Variants in ABCC3 observed in about 807,000 individuals in gnomAD.
ABCC3 encodes the protein ATP binding cassette subfamily C member 3.
ABCC3 carries 121 observed loss-of-function variants against 165.3 expected under a neutral mutation model. The observed-to-expected ratio is 0.73, with a 90% confidence interval of 0.63 to 0.85. ABCC3 has a LOEUF of 0.85. ABCC3 is among the 40% of genes least tolerant of loss of function. ABCC3 has a pLI of 0.00. For missense variants in ABCC3, 1,869 were observed against 1,964.1 expected (o/e 0.95, Z 0.92); for synonymous variants, 733 against 810.1 (o/e 0.90, Z 1.62).
chr17:50,658,953 C>T (rs1045905659), intron 6 of ABCC3, among the ~76,000 whole-genome samples: 23 of 152,280 alleles, frequency 1.5e-4, no homozygotes, highest in African/African-American at 5.5e-4. Context: ...TCACCCAGGG[C>T]CCCAGGCAGC....
intron 19 of ABCC3, among the ~76,000 whole-genome samples, chr17:50,673,909 T>TTTCC: frequency 8.7e-5 from 1 of 11,544 alleles, no homozygotes; most frequent in Non-Finnish European, 1.6e-4. Context: ...GTTTTCTTTC[T>TTTCC]TTCTTTCTTT....
chr17:50,673,259 G>A, intron 18 of ABCC3, 121 bp downstream of exon 18: 1 of 1,356,226 alleles, frequency 7.4e-7, no homozygotes, highest in Non-Finnish European at 1.0e-6. Context: ...AAGTGGGCAT[G>A]TGGGTTGGGC....
rs1444248548 is a variant in ABCC3, at chr17:50,676,514, G to T, written c.3304G>T (p.Val1102Leu). Residue 1102 changes from valine (V) to leucine (L), a missense_variant, in exon 23 of 31, where the codon GTG becomes TTG. Transcript: ENST00000285238. ...NSFFNAISTLVVIMASTPLFT... is the reference protein window; with the variant it reads ...NSFFNAISTLLVIMASTPLFT... ...CTTCTTCAACGCCATCTCCACTCTT[G>T]TGGTCATCATGGCCAGCACGCCGCT... The T allele has an allele frequency of 8.1e-6, 13 of 1,613,394 alleles. No individual in the cohort carries two copies. In the Admixed American group the frequency reaches 2.0e-4, roughly 25 times the overall value.
At chr17:50,660,835 C>G (rs938553231) in intron 7 of ABCC3, 88 bp from the exon 8 acceptor site, 7 of 1,252,674 alleles carry the variant, frequency 5.6e-6, no homozygotes, top group Non-Finnish European at 7.8e-6. Context: ...CTTCCTCCTC[C>G]TCACTCCTAG....
chr17:50,679,692 T>C, intron 25 of ABCC3, 106 bp from the exon 26 acceptor site: 3 of 1,095,168 alleles, frequency 2.7e-6, no homozygotes, highest in East Asian at 2.4e-5. Context: ...ATCCATGGGC[T>C]AGGATCCCAT....
intron 1 of ABCC3, among the ~76,000 whole-genome samples, chr17:50,646,266 G>A (rs1272289134): frequency 2.0e-5 from 3 of 152,174 alleles, no homozygotes; most frequent in African/African-American, 7.2e-5. Flanking sequence ...AAGGCCCTGA[G>A]ACAGGAGCAG....
intron 29 of ABCC3, among the ~76,000 whole-genome samples, chr17:50,685,125 G>C (rs1968001726): frequency 6.6e-6 from 1 of 152,208 alleles, no homozygotes; most frequent in Non-Finnish European, 1.5e-5. Context: ...AGATGGTAAA[G>C]GGCTTGACCT....
At chr17:50,635,018 C>A (rs1482971513) in intron 1 of ABCC3, 37 bp downstream of exon 1, 1 of 1,256,612 alleles carries the variant, frequency 8.0e-7, no homozygotes, top group Non-Finnish European at 1.0e-6. Flanking sequence ...GCGCGGGGGC[C>A]AGGGTCGGCC....
In ABCC3 at chr17:50,658,069, C is replaced by G. The variant is rs1429800767; in HGVS notation, c.487-13C>G. The G allele has an allele frequency of 6.2e-7, 1 of 1,614,108 alleles. No individual in the cohort carries two copies. Among genetic ancestry groups the G allele is most frequent in the South Asian group, 1.1e-5 (1 of 91,088 alleles). ...TTCCAGTGCTTCTGACGCCCCTCCACTCTCCCACCCAGGGTGAGATCTCAG... is the reference window on the plus strand; with the variant it reads ...TTCCAGTGCTTCTGACGCCCCTCCAGTCTCCCACCCAGGGTGAGATCTCAG... On this transcript the variant is annotated splice_polypyrimidine_tract_variant and intron_variant, in intron 4 of 30. Coordinates refer to ENST00000285238, the MANE Select transcript of ABCC3 (RefSeq NM_003786.4).
intron 1 of ABCC3, chr17:50,635,837 C>T: frequency 3.9e-6 from 2 of 513,624 alleles, no homozygotes; most frequent in South Asian, 5.0e-5. Context: ...GAGCTATGAT[C>T]GCACCACTGC....
chr17:50,670,621 C>T (rs1967627758), intron 17 of ABCC3, among the ~76,000 whole-genome samples: 2 of 152,082 alleles, frequency 1.3e-5, no homozygotes, highest in South Asian at 2.1e-4. Context: ...GATAAATGCT[C>T]AGTGGAAAAA....
intron 18 of ABCC3, 128 bp downstream of exon 18, chr17:50,673,266 G>T (rs1967687396): frequency 7.6e-7 from 1 of 1,322,772 alleles, no homozygotes; most frequent in Non-Finnish European, 1.0e-6. Flanking sequence ...CATGTGGGTT[G>T]GGCATCAGGA....
rs750981656 is a variant in ABCC3 at position 50,675,690 on chromosome 17, A to C, written c.2774A>C (p.His925Pro). ...EGQGRPVPRRHLGPSEKVQVT... is the reference protein window; with the variant it reads ...EGQGRPVPRRPLGPSEKVQVT... The stretch of plus-strand genomic sequence containing the variant: ...CAGGGTCGGCCTGTACCCCGGAGGC[A>C]CCTGGGTCCATCAGAGAAGGTGCAG... Residue 925 changes from histidine (H) to proline (P), a missense_variant, in exon 21 of 31, where the codon CAC becomes CCC. Coordinates refer to ENST00000285238, the MANE Select transcript of ABCC3 (RefSeq NM_003786.4). 1 of 1,571,590 alleles carries C rather than the reference A, an allele frequency of 6.4e-7. No homozygotes were observed. Among genetic ancestry groups the C allele is most frequent in the African/African-American group, 1.3e-5 (1 of 74,138 alleles).
chr17:50,679,924 C>G, intron 26 of ABCC3, 25 bp downstream of exon 26: 2 of 1,588,304 alleles, frequency 1.3e-6, no homozygotes, highest in Non-Finnish European at 1.7e-6. Flanking sequence ...GAGCCCGGGA[C>G]AGGGGGAATC....
Position 50,669,547 on chromosome 17 carries a change from T to G in ABCC3, c.2241+19T>G, listed in dbSNP as rs1400413628. The stretch of plus-strand genomic sequence containing the variant: ...AGAGAAGGTACAGAGTCCTCTTCCA[T>G]CCCTAAGAGGCTAGGGCATAGAGCT... On this transcript the variant is annotated intron_variant, in intron 17 of 30. Coordinates refer to ENST00000285238, the MANE Select transcript of ABCC3 (RefSeq NM_003786.4). 3 of 1,612,260 alleles carry G rather than the reference T, an allele frequency of 1.9e-6. No homozygotes were observed. The highest frequency in any genetic ancestry group is 2.5e-6 in the Non-Finnish European group (3 of 1,178,586).
intron 26 of ABCC3, among the ~76,000 whole-genome samples, chr17:50,682,941 C>G (rs1476311241): frequency 6.6e-6 from 1 of 152,098 alleles, no homozygotes; most frequent in Non-Finnish European, 1.5e-5. Context: ...TGGCTCACAC[C>G]TGTATTCCCA....
intron 4 of ABCC3, among the ~76,000 whole-genome samples, chr17:50,657,823 G>A (rs1309938249): frequency 2.6e-5 from 4 of 152,236 alleles, no homozygotes; most frequent in Non-Finnish European, 5.9e-5. Flanking sequence ...CCTGTAGGCT[G>A]ATGTCCCAGT....
chr17:50,646,499 C>T (rs866693253), intron 1 of ABCC3, among the ~76,000 whole-genome samples: 4 of 152,158 alleles, frequency 2.6e-5, no homozygotes, highest in African/African-American at 4.8e-5. Context: ...ATAGATGGTA[C>T]ATCATATCAT....
chr17:50,668,183 T>G (rs1303195414), intron 13 of ABCC3, among the ~76,000 whole-genome samples, 174 bp downstream of exon 13: 1 of 152,176 alleles, frequency 6.6e-6, no homozygotes, highest in Non-Finnish European at 1.5e-5. Context: ...AGGGGTCATT[T>G]GGAGTCACAG....
Sources: allele counts gnomAD v4.1 joint callset (sites outside exome capture counted in the v4.1 genomes callset), GRCh38; gene constraint gnomAD v4.1.1; transcripts MANE v1.5; gene names NCBI Gene and HGNC (gene_info 2026-07-23, HGNC 2026-07-21).